Variants in KCND2 observed in about 807,000 individuals in gnomAD.
The protein encoded by KCND2 is A-type voltage-gated potassium channel KCND2.
A neutral mutation model predicts 54.4 loss-of-function variants in KCND2; 16 were observed. The ratio of observed to expected loss-of-function variants is 0.29; its 90% CI spans 0.20 to 0.45. The LOEUF (loss-of-function observed/expected upper bound fraction) is 0.45, where lower values mean the gene tolerates loss of function less well. Among genes scored for constraint, KCND2 ranks in the 20% least tolerant of loss-of-function variants. KCND2 has a pLI of 1.00. For missense variants in KCND2, 486 were observed against 824.2 expected (o/e 0.59, Z 5.02); for synonymous variants, 317 against 310.7 (o/e 1.02, Z -0.21).
At chr7:120,433,686 A>G (rs1187119625) in intron 1 of KCND2, among the ~76,000 whole-genome samples, 1 of 152,190 alleles carries the variant, frequency 6.6e-6, no homozygotes, top group Non-Finnish European at 1.5e-5. Flanking sequence ...AAAACCTAAT[A>G]TCCAATAATA....
At chr7:120,296,021 A>C (rs1210400856) in intron 1 of KCND2, among the ~76,000 whole-genome samples, 4 of 152,124 alleles carry the variant, frequency 2.6e-5, no homozygotes, top group Non-Finnish European at 1.5e-5. Context: ...TGAGGTAAAC[A>C]CTGAATACTC....
chr7:120,616,288 G>A (rs889646016), intron 1 of KCND2, among the ~76,000 whole-genome samples: 9 of 152,112 alleles, frequency 5.9e-5, no homozygotes, highest in Non-Finnish European at 1.3e-4. Context: ...AGAAAATTGA[G>A]ATATATTTGT....
chr7:120,435,134 T>G (rs1801848050), intron 1 of KCND2, among the ~76,000 whole-genome samples: 2 of 146,912 alleles, frequency 1.4e-5, no homozygotes, highest in Non-Finnish European at 3.1e-5. Context: ...GACAGTCTCA[T>G]TCTGCCACCC....
At chr7:120,299,894 C>A (rs899112468) in intron 1 of KCND2, among the ~76,000 whole-genome samples, 2 of 152,080 alleles carry the variant, frequency 1.3e-5, no homozygotes, top group Non-Finnish European at 2.9e-5. Context: ...GTATTAAGTT[C>A]CCAATAGTAA....
chr7:120,597,222 C>T (rs994096691), intron 1 of KCND2, among the ~76,000 whole-genome samples: 4 of 152,066 alleles, frequency 2.6e-5, no homozygotes, highest in Non-Finnish European at 5.9e-5. Context: ...GAGAAATGAG[C>T]GCATTGATGT....
intron 1 of KCND2, among the ~76,000 whole-genome samples, chr7:120,455,607 A>G (rs577276814): frequency 6.6e-6 from 1 of 152,200 alleles, no homozygotes; most frequent in Non-Finnish European, 1.5e-5. Flanking sequence ...GGTATACTGG[A>G]TGAAGAAAAT....
At chr7:120,461,491 G>T (rs913433952) in intron 1 of KCND2, among the ~76,000 whole-genome samples, 8 of 152,070 alleles carry the variant, frequency 5.3e-5, no homozygotes, top group Non-Finnish European at 1.2e-4. Context: ...TTACACCAAT[G>T]CCCTATTCGA....
chr7:120,389,488 G>A (rs1041798074), intron 1 of KCND2, among the ~76,000 whole-genome samples: 1 of 151,536 alleles, frequency 6.6e-6, no homozygotes, highest in African/African-American at 2.4e-5. Context: ...TTATACATCT[G>A]CAACTTTATT....
At chr7:120,437,024 C>T (rs1486897488) in intron 1 of KCND2, among the ~76,000 whole-genome samples, 2 of 152,070 alleles carry the variant, frequency 1.3e-5, no homozygotes, top group South Asian at 4.1e-4. Context: ...TCATTTTCTT[C>T]CTCTTCTCAG....
At chr7:120,731,216 C>T (rs192822398) in intron 1 of KCND2, among the ~76,000 whole-genome samples, 2 of 152,236 alleles carry the variant, frequency 1.3e-5, no homozygotes, top group East Asian at 1.9e-4. Context: ...CCTGCTTTAG[C>T]AATTTTACAT....
chr7:120,605,429 T>C (rs897588116), intron 1 of KCND2, among the ~76,000 whole-genome samples: 12 of 152,234 alleles, frequency 7.9e-5, no homozygotes, highest in African/African-American at 2.9e-4. Flanking sequence ...ATTAATAATG[T>C]TCCATTGTAT....
chr7:120,427,219 A>G (rs969255136), intron 1 of KCND2, among the ~76,000 whole-genome samples: 5 of 152,194 alleles, frequency 3.3e-5, no homozygotes, highest in Non-Finnish European at 5.9e-5. Flanking sequence ...AACATTTCAT[A>G]CAAACCTATA....
chr7:120,349,193 C>T (rs993245764), intron 1 of KCND2, among the ~76,000 whole-genome samples: 1 of 152,104 alleles, frequency 6.6e-6, no homozygotes, highest in Non-Finnish European at 1.5e-5. Flanking sequence ...CTATGGAAGA[C>T]TCACCATGCT....
intron 1 of KCND2, among the ~76,000 whole-genome samples, chr7:120,561,238 G>T (rs373439055): frequency 5.9e-5 from 9 of 152,166 alleles, no homozygotes; most frequent in East Asian, 1.9e-4. Flanking sequence ...AGAAGTAAAA[G>T]ATGGTATGTT....
intron 1 of KCND2, among the ~76,000 whole-genome samples, chr7:120,515,060 C>G (rs1554362955): frequency 6.6e-6 from 1 of 152,012 alleles, no homozygotes; most frequent in Non-Finnish European, 1.5e-5. Flanking sequence ...AGATGAAGGT[C>G]CTCCAGCTTA....
intron 4 of KCND2, 39 bp downstream of exon 4, chr7:120,742,641 C>T: frequency 1.4e-6 from 2 of 1,469,420 alleles, no homozygotes; most frequent in Non-Finnish European, 9.5e-7. Context: ...TGCTCTCTGA[C>T]AGTAATTCCA....
At chr7:120,612,921 A>G (rs1259620263) in intron 1 of KCND2, among the ~76,000 whole-genome samples, 1 of 152,194 alleles carries the variant, frequency 6.6e-6, no homozygotes, top group Non-Finnish European at 1.5e-5. Context: ...GCCTTGTTTC[A>G]TTAATCATGC....
chr7:120,739,355 T>C (rs995734062), intron 2 of KCND2, among the ~76,000 whole-genome samples: 1 of 152,004 alleles, frequency 6.6e-6, no homozygotes, highest in African/African-American at 2.4e-5. Context: ...AAATTGCTTA[T>C]TTCTGAATTA....
At chr7:120,479,327 A>T (rs965994987) in intron 1 of KCND2, among the ~76,000 whole-genome samples, 1 of 152,146 alleles carries the variant, frequency 6.6e-6, no homozygotes, top group African/African-American at 2.4e-5. Flanking sequence ...TAGAGTTTAA[A>T]AAGGTAATAT....
Sources: allele counts gnomAD v4.1 joint callset (sites outside exome capture counted in the v4.1 genomes callset), GRCh38; gene constraint gnomAD v4.1.1; transcripts MANE v1.5; gene names NCBI Gene and HGNC (gene_info 2026-07-23, HGNC 2026-07-21).